The following ZNF541 variants were observed in gnomAD, a reference collection of about 807,000 sequenced individuals.
ZNF541 encodes zinc finger protein 541.
ZNF541 carries 23 observed loss-of-function variants against 123.5 expected under a neutral mutation model. The ratio of observed to expected loss-of-function variants is 0.19; its 90% CI spans 0.13 to 0.26. The LOEUF (loss-of-function observed/expected upper bound fraction) is 0.26, where lower values mean the gene tolerates loss of function less well. Ranked by LOEUF, ZNF541 falls within the 10% of genes least tolerant of loss-of-function variation. The pLI is 1.00. For synonymous variants in ZNF541, 751 were observed against 754.5 expected, an observed-to-expected ratio of 1.00 and a Z score of 0.08; for missense variants, 1,612 against 1,789.9, an observed-to-expected ratio of 0.90 and a Z score of 1.79.
At position 47,549,339 on chromosome 19, in the gene ZNF541, C is replaced by T. The variant is rs371719667; in HGVS notation, c.454G>A (p.Ala152Thr). Residue 152 changes from alanine to threonine, a missense_variant, in exon 4 of 17, where the codon GCC becomes ACC. Ala to Thr is a moderately conservative substitution (Grantham distance 58, BLOSUM62 0). This residue lies in a region of ZNF541 where 212 missense variants were observed against 289.6 expected (regional missense o/e 0.73). Transcript: ENST00000391901. ...CSLCGKVFSS[A>T]SSLSKHYLTH... is the part of the protein sequence containing the mutation. ...AGGTAGTGCTTGCTCAGAGAACTGG[C>T]GCTGCTGAACACCTTCCCGCACAGG... The T allele has an allele frequency of 3.1e-5, 48 of 1,551,650 alleles. No homozygotes were observed. The highest frequency in any genetic ancestry group is 3.6e-5 in the Non-Finnish European group (41 of 1,147,044).
chr19:47,535,907 G>C (rs1268687576), intron 9 of ZNF541, among the ~76,000 whole-genome samples: 1 of 152,108 alleles, frequency 6.6e-6, no homozygotes, highest in East Asian at 1.9e-4. Flanking sequence ...GGGAAATCAG[G>C]GGTCTCACAG....
intron 9 of ZNF541, among the ~76,000 whole-genome samples, chr19:47,535,979 G>A (rs1284056950): frequency 6.6e-6 from 1 of 152,160 alleles, no homozygotes; most frequent in Non-Finnish European, 1.5e-5. Flanking sequence ...GCAAGCCAGT[G>A]ATAAGCATTG....
intron 2 of ZNF541, among the ~76,000 whole-genome samples, chr19:47,558,177 G>A (rs1970901681): frequency 6.6e-6 from 1 of 152,196 alleles, no homozygotes; most frequent in East Asian, 1.9e-4. Flanking sequence ...AGCACTTTGG[G>A]AGACCGAGGT....
At chr19:47,540,509 G>A (rs945855227) in intron 6 of ZNF541, among the ~76,000 whole-genome samples, 174 bp from the exon 7 acceptor site, 5 of 150,236 alleles carry the variant, frequency 3.3e-5, no homozygotes, top group East Asian at 1.9e-4. Context: ...GCACCATCTC[G>A]GCTCACTGTA....
At chr19:47,572,292 T>C (rs576546161) in intron 1 of ZNF541, among the ~76,000 whole-genome samples, 27 of 152,094 alleles carry the variant, frequency 1.8e-4, no homozygotes, top group African/African-American at 5.3e-4. Context: ...TAGGGCAGAA[T>C]TGGTGATAAA....
At chr19:47,528,352 C>T (rs988238364) in intron 14 of ZNF541, among the ~76,000 whole-genome samples, 2 of 148,942 alleles carry the variant, frequency 1.3e-5, no homozygotes, top group African/African-American at 4.9e-5. Flanking sequence ...GAGTCCTACT[C>T]TGTTGCCCAG....
chr19:47,558,523 TAGATAAC>T (rs61500743), intron 2 of ZNF541, among the ~76,000 whole-genome samples: 6,549 of 152,136 alleles, frequency 0.043, 454 homozygotes, highest in African/African-American at 0.15. Flanking sequence ...TTATTTAAAT[TAGATAAC>T]AGATTAAAAT....
In ZNF541 at chr19:47,531,757, A is replaced by G; in HGVS notation, c.3302-12T>C. The G allele has an allele frequency of 6.5e-7, 1 of 1,538,954 alleles. No individual in the cohort carries two copies. The highest frequency in any genetic ancestry group is 1.2e-5 in the South Asian group (1 of 83,346). On this transcript the variant is annotated splice_polypyrimidine_tract_variant and intron_variant, in intron 11 of 16. Transcript: ENST00000391901. Reference sequence around the variant, plus strand: ...GCAGAGCTCGGTCACTGTTTCCAAGAAGGACATGAGGAAGAGGAGGCACAC... The same window carrying G: ...GCAGAGCTCGGTCACTGTTTCCAAGGAGGACATGAGGAAGAGGAGGCACAC...
intron 3 of ZNF541, 135 bp downstream of exon 3, chr19:47,555,415 A>G: frequency 1.3e-6 from 1 of 768,888 alleles, no homozygotes; most frequent in Non-Finnish European, 2.0e-6. Flanking sequence ...CAAGTAGGAA[A>G]AAAGGTGACT....
chr19:47,544,650 T>G lies in ZNF541; in HGVS notation c.1879A>C (p.Arg627=). 1 of 1,545,506 alleles carries G rather than the reference T, an allele frequency of 6.5e-7. No individual in the cohort carries two copies. Among genetic ancestry groups the G allele is most frequent in the Non-Finnish European group, 8.7e-7 (1 of 1,145,272 alleles). The change falls in exon 5 of 17, where the codon AGG becomes CGG. Residue 627 remains arginine, a synonymous_variant. Transcript: ENST00000391901. ...NPEAEGSPAR[R]RKTTPGVPRE... Reference sequence around the variant, plus strand: ...GGAACCCCGGGTGTGGTTTTTCTCCTGCGGGCTGGGGAGCCCTCTGCCTCG... The same window carrying G: ...GGAACCCCGGGTGTGGTTTTTCTCCGGCGGGCTGGGGAGCCCTCTGCCTCG...
At chr19:47,553,299 C>T (rs1278037296) in intron 3 of ZNF541, among the ~76,000 whole-genome samples, 8 of 151,786 alleles carry the variant, frequency 5.3e-5, no homozygotes, top group Non-Finnish European at 2.9e-5. Context: ...AGTGCAGTAG[C>T]ATGATCTCAG....
chr19:47,561,716 G>GTT (rs142893590), intron 2 of ZNF541, among the ~76,000 whole-genome samples: 8 of 147,432 alleles, frequency 5.4e-5, no homozygotes, highest in African/African-American at 2.0e-4. Context: ...TTTCTGTTTT[G>GTT]TTTTTTTTTT....
chr19:47,571,321 C>T (rs1229530292), intron 2 of ZNF541, among the ~76,000 whole-genome samples: 1 of 152,148 alleles, frequency 6.6e-6, no homozygotes, highest in Non-Finnish European at 1.5e-5. Context: ...ACTATATTGG[C>T]CAGGCTGGTC....
intron 14 of ZNF541, among the ~76,000 whole-genome samples, chr19:47,524,947 C>A (rs1027516450): frequency 3.3e-5 from 5 of 152,190 alleles, no homozygotes; most frequent in Middle Eastern, 3.4e-3. Flanking sequence ...TGCATAGAGA[C>A]ACAGCCCCTG....
chr19:47,567,026 G>C (rs1035925806), intron 2 of ZNF541, among the ~76,000 whole-genome samples: 1 of 151,704 alleles, frequency 6.6e-6, no homozygotes, highest in Admixed American at 6.6e-5. Context: ...ACTCCAGCCT[G>C]GGCCACAGAG....
intron 13 of ZNF541, 30 bp from the exon 14 acceptor site, chr19:47,529,068 G>A (rs571482381): frequency 6.6e-7 from 1 of 1,512,178 alleles, no homozygotes. Context: ...ACAGGGGGAA[G>A]GCCATTTGTC....
In ZNF541 at chr19:47,555,863, C is replaced by T; in HGVS notation, c.-7G>A. On this transcript the variant is annotated 5_prime_UTR_variant, in exon 3 of 17. Coordinates refer to ENST00000391901, the MANE Select transcript of ZNF541 (RefSeq NM_001277075.3). ...CAAGGCTGTACTGGTCCATGGCTCT[C>T]CACTGCCAGGTCTTGGCCAAAAGCT... 1 of 1,541,880 alleles carries T rather than the reference C, an allele frequency of 6.5e-7. No homozygotes were observed. Among genetic ancestry groups the T allele is most frequent in the South Asian group, 1.2e-5 (1 of 83,258 alleles).
chr19:47,547,066 T>G (rs1275755560), intron 4 of ZNF541, among the ~76,000 whole-genome samples: 1 of 152,202 alleles, frequency 6.6e-6, no homozygotes, highest in African/African-American at 2.4e-5. Flanking sequence ...CCTGTTTAAC[T>G]TTCAGTGTCT....
intron 14 of ZNF541, among the ~76,000 whole-genome samples, chr19:47,524,782 T>C (rs769998131): frequency 9.3e-5 from 14 of 150,746 alleles, no homozygotes; most frequent in African/African-American, 3.4e-4. Flanking sequence ...CTACTCAAAG[T>C]TGGAGGATCA....
Sources: allele counts gnomAD v4.1 joint callset (sites outside exome capture counted in the v4.1 genomes callset), GRCh38; gene constraint gnomAD v4.1.1; regional missense constraint gnomAD v4.1.1; transcripts MANE v1.5; gene names NCBI Gene and HGNC (gene_info 2026-07-23, HGNC 2026-07-21).